ENAH: variants seen among roughly 807,000 people sequenced by gnomAD.
ENAH encodes the protein protein enabled homolog.
Under a neutral mutation model 78.7 loss-of-function variants are expected in ENAH, and 23 were observed. The ratio of observed to expected loss-of-function variants is 0.29; its 90% CI spans 0.21 to 0.41. The LOEUF is 0.41. Ranked by LOEUF, ENAH falls within the 10% of genes least tolerant of loss-of-function variation. ENAH has a pLI of 1.00. For synonymous variants in ENAH, 226 were observed against 241.0 expected, an observed-to-expected ratio of 0.94 and a Z score of 0.58; for missense variants, 544 against 691.0, an observed-to-expected ratio of 0.79 and a Z score of 2.39.
chr1:225,509,111 C>T (rs1033849365), intron 10 of ENAH, among the ~76,000 whole-genome samples: 1 of 152,130 alleles, frequency 6.6e-6, no homozygotes, highest in African/African-American at 2.4e-5. Flanking sequence ...GCTAACACAG[C>T]CTCTCAATGA....
At chr1:225,594,286 G>C (rs1173398498) in intron 1 of ENAH, among the ~76,000 whole-genome samples, 2 of 152,162 alleles carry the variant, frequency 1.3e-5, no homozygotes, top group Non-Finnish European at 2.9e-5. Flanking sequence ...AAATTTCAAT[G>C]AAATTACATC....
At chr1:225,588,537 T>C (rs773354895) in intron 1 of ENAH, among the ~76,000 whole-genome samples, 16 of 152,118 alleles carry the variant, frequency 1.1e-4, no homozygotes, top group Non-Finnish European at 2.1e-4. Context: ...GGGCCGGGCA[T>C]AGTGGCTCAC....
rs2096385838 is a variant in ENAH at position 225,512,586 on chromosome 1, C to T, written c.1422+71G>A. 6 of 1,434,710 alleles carry T rather than the reference C, an allele frequency of 4.2e-6. No homozygotes were observed. The South Asian group carries it at 7.7e-5, about 18-fold the overall frequency. The allele number at this position is 1,434,710 out of a possible 1,614,324, so 88.9% of individuals were successfully genotyped here. On this transcript the variant is annotated intron_variant, in intron 9 of 13. Coordinates refer to ENST00000366843, the MANE Select transcript of ENAH (RefSeq NM_018212.6). ...TAAGCCCAAATTAAATAAATGCTGA[C>T]ACTATTTCCTGAATGAGCTGTGCCT...
At chr1:225,498,869 A>G (rs752025652) in intron 12 of ENAH, among the ~76,000 whole-genome samples, 7 of 152,198 alleles carry the variant, frequency 4.6e-5, no homozygotes, top group South Asian at 2.1e-4. Context: ...CTGCCAAACC[A>G]TATTTCAAGG....
intron 1 of ENAH, among the ~76,000 whole-genome samples, chr1:225,609,867 G>A (rs2096978653): frequency 6.6e-6 from 1 of 151,806 alleles, no homozygotes; most frequent in African/African-American, 2.4e-5. Flanking sequence ...GTTTTGCTAT[G>A]TTGGCCAGGC....
chr1:225,623,538 C>A (rs968246609), intron 1 of ENAH, among the ~76,000 whole-genome samples: 1 of 151,550 alleles, frequency 6.6e-6, no homozygotes, highest in Non-Finnish European at 1.5e-5. Flanking sequence ...GGGCTTCCTG[C>A]CCCCCAAGTT....
chr1:225,599,976 G>A (rs1414434174), intron 1 of ENAH, among the ~76,000 whole-genome samples: 3 of 151,912 alleles, frequency 2.0e-5, no homozygotes, highest in South Asian at 2.1e-4. Context: ...GTTATTTAAC[G>A]GAGCCTGGGT....
Position 225,652,732 on chromosome 1 carries a change from C to A in ENAH, c.-42G>T. 2 of 1,315,418 alleles carry A rather than the reference C, an allele frequency of 1.5e-6. No homozygotes were observed. The highest frequency in any genetic ancestry group is 9.7e-7 in the Non-Finnish European group (1 of 1,033,930). The allele number at this position is 1,315,418 out of a possible 1,614,324, so 81.5% of individuals were successfully genotyped here. A position where few individuals can be genotyped will look rare whatever the true frequency, so the allele number is the denominator to read the frequency against. On this transcript the variant is annotated 5_prime_UTR_variant, in exon 1 of 14. Coordinates refer to ENST00000366843, the MANE Select transcript of ENAH (RefSeq NM_018212.6). ...AGGCTTCCCCACCAGCCGGGAGACG[C>A]AGAAGGCGCCGAGCCGAGGGGGGGG... is the stretch of plus-strand genomic sequence containing the variant.
intron 1 of ENAH, among the ~76,000 whole-genome samples, chr1:225,577,883 CT>C (rs1370603891): frequency 6.6e-6 from 1 of 152,104 alleles, no homozygotes; most frequent in East Asian, 1.9e-4. Context: ...TAGGAGTAAT[CT>C]TTTTTTCAAT....
At chr1:225,590,082 A>AACACACACACACACACACAC (rs3050220) in intron 1 of ENAH, among the ~76,000 whole-genome samples, 1 of 131,414 alleles carries the variant, frequency 7.6e-6, no homozygotes, top group Non-Finnish European at 1.6e-5. Flanking sequence ...CTCATCACTC[A>AACACACACACACACACACAC]ACACACACAC....
intron 10 of ENAH, 27 bp from the exon 11 acceptor site, chr1:225,508,044 T>G: frequency 7.3e-7 from 1 of 1,370,600 alleles, no homozygotes; most frequent in Non-Finnish European, 9.9e-7. Context: ...CAAAAGCTAT[T>G]AAATAAATAA....
At chr1:225,497,930 A>AC in intron 13 of ENAH, 118 bp from the exon 14 acceptor site, 2 of 690,454 alleles carry the variant, frequency 2.9e-6, no homozygotes, top group Admixed American at 5.3e-5. Flanking sequence ...AAGAAGATTA[A>AC]CTTTGCATCT....
At chr1:225,572,278 CA>C (rs1490932395) in intron 1 of ENAH, among the ~76,000 whole-genome samples, 2 of 152,180 alleles carry the variant, frequency 1.3e-5, no homozygotes, top group Admixed American at 1.3e-4. Flanking sequence ...TGGTGGTAAG[CA>C]GTTTTAGACT....
intron 1 of ENAH, among the ~76,000 whole-genome samples, chr1:225,634,601 GA>G (rs942618425): frequency 6.6e-6 from 1 of 152,062 alleles, no homozygotes; most frequent in Non-Finnish European, 1.5e-5. Context: ...GATGTTTTAA[GA>G]AAAAAACACT....
intron 1 of ENAH, among the ~76,000 whole-genome samples, chr1:225,599,989 T>A (rs1298984036): frequency 6.6e-6 from 1 of 151,926 alleles, no homozygotes; most frequent in East Asian, 1.9e-4. Flanking sequence ...GCCTGGGTCC[T>A]CCTCTTCTCT....
chr1:225,517,634 A>C (rs991855698), intron 5 of ENAH: 13 of 1,550,434 alleles, frequency 8.4e-6, no homozygotes, highest in Non-Finnish European at 1.1e-5. Context: ...AGGGGCGAAA[A>C]ATTGGAAGTA....
At chr1:225,526,402 G>C (rs1377159316) in intron 4 of ENAH, among the ~76,000 whole-genome samples, 1 of 149,536 alleles carries the variant, frequency 6.7e-6, no homozygotes, top group Non-Finnish European at 1.5e-5. Flanking sequence ...GCAATGGCAC[G>C]ATCTCAGCTC....
chr1:225,518,979 T>C (rs1265292598), intron 5 of ENAH: 1 of 702,124 alleles, frequency 1.4e-6, no homozygotes, highest in Non-Finnish European at 2.2e-6. Flanking sequence ...GAATAAAAAT[T>C]TCCAAGAGCT....
intron 1 of ENAH, among the ~76,000 whole-genome samples, chr1:225,570,003 C>T (rs1353710263): frequency 2.0e-5 from 3 of 151,748 alleles, no homozygotes; most frequent in South Asian, 2.1e-4. Flanking sequence ...TTTAGGAATT[C>T]GAGACCAGCC....
Sources: gnomAD v4.1 joint callset for allele counts (sites outside exome capture counted in the v4.1 genomes callset) on GRCh38, gnomAD v4.1.1 for gene constraint, MANE v1.5 for transcripts, NCBI Gene and HGNC (gene_info 2026-07-23, HGNC 2026-07-21) for gene names.